The following SYT1 variants were observed in gnomAD, a reference collection of about 807,000 sequenced individuals.
SYT1 encodes the protein synaptotagmin 1, also known as synaptotagmin-1.
In SYT1, 8 loss-of-function variants were observed where a neutral mutation model predicts 44.8. That is an observed-to-expected ratio of 0.18 (90% CI 0.10 to 0.32). The LOEUF is 0.32. SYT1 is among the 10% of genes least tolerant of loss of function. The probability of loss-of-function intolerance (pLI) is 1.00; values close to 1 mark genes in which losing one functional copy is unlikely to be tolerated. For synonymous variants in SYT1, 154 were observed against 188.8 expected, an observed-to-expected ratio of 0.82 and a Z score of 1.51; for missense variants, 286 against 509.3, an observed-to-expected ratio of 0.56 and a Z score of 4.22.
intron 3 of SYT1, among the ~76,000 whole-genome samples, chr12:79,139,674 A>G (rs1035879145): frequency 6.6e-6 from 1 of 152,184 alleles, no homozygotes; most frequent in Non-Finnish European, 1.5e-5. Flanking sequence ...ATACGCTTCT[A>G]CTAAAACCAA....
intron 8 of SYT1, among the ~76,000 whole-genome samples, chr12:79,334,817 G>A (rs1041709576): frequency 4.6e-5 from 7 of 152,038 alleles, no homozygotes; most frequent in African/African-American, 1.4e-4. Context: ...CTTTTCAAGT[G>A]GGATCACCTT....
chr12:79,085,743 G>A (rs1877337578), intron 3 of SYT1, among the ~76,000 whole-genome samples: 1 of 152,064 alleles, frequency 6.6e-6, no homozygotes, highest in African/African-American at 2.4e-5. Context: ...CAATACAGCA[G>A]TTATCAGGTC....
At chr12:79,347,041 CTTTTTTTTT>C (rs59524429) in intron 8 of SYT1, among the ~76,000 whole-genome samples, 1 of 125,946 alleles carries the variant, frequency 7.9e-6, no homozygotes, top group Non-Finnish European at 1.7e-5. Flanking sequence ...TTTGTTTTTT[CTTTTTTTTT>C]TTTTTTTTGA....
intron 2 of SYT1, among the ~76,000 whole-genome samples, chr12:79,002,333 A>G (rs1870793894): frequency 1.3e-5 from 2 of 152,142 alleles, no homozygotes; most frequent in Admixed American, 6.6e-5. Flanking sequence ...CTCCTTTATT[A>G]TAATTTTCAT....
At chr12:79,254,976 T>C (rs1479065106) in intron 4 of SYT1, among the ~76,000 whole-genome samples, 5 of 152,226 alleles carry the variant, frequency 3.3e-5, no homozygotes, top group African/African-American at 1.2e-4. Context: ...GAAGATACTA[T>C]GAACATTATT....
chr12:79,301,176 G>A (rs1393828155), intron 8 of SYT1, among the ~76,000 whole-genome samples: 3 of 152,020 alleles, frequency 2.0e-5, no homozygotes, highest in African/African-American at 7.2e-5. Context: ...ACTGGTGTTT[G>A]GTTGGCTTGT....
intron 8 of SYT1, among the ~76,000 whole-genome samples, chr12:79,347,010 G>GT (rs994504748): frequency 4.0e-5 from 6 of 149,604 alleles, no homozygotes; most frequent in Admixed American, 2.7e-4. Context: ...TAGTAAGGAG[G>GT]TTTTTTTGTT....
chr12:78,894,932 AT>A (rs1351334775), intron 1 of SYT1, among the ~76,000 whole-genome samples: 3 of 151,766 alleles, frequency 2.0e-5, no homozygotes, highest in South Asian at 2.1e-4. Context: ...CCACAAAAAA[AT>A]AATTCAGTGA....
chr12:79,324,797 A>G (rs767144272), intron 8 of SYT1, among the ~76,000 whole-genome samples: 1 of 152,202 alleles, frequency 6.6e-6, no homozygotes, highest in African/African-American at 2.4e-5. Context: ...CTTTTTGTGA[A>G]TATTCCATAA....
intron 4 of SYT1, among the ~76,000 whole-genome samples, chr12:79,274,774 A>G (rs988665737): frequency 6.6e-6 from 1 of 152,192 alleles, no homozygotes; most frequent in Non-Finnish European, 1.5e-5. Context: ...CAGGAGGTCA[A>G]CTGGCACAGC....
chr12:79,072,481 G>A (rs1876350676), intron 3 of SYT1, among the ~76,000 whole-genome samples: 1 of 151,884 alleles, frequency 6.6e-6, no homozygotes, highest in African/African-American at 2.4e-5. Flanking sequence ...TTATCTATAA[G>A]TTATTTAAAT....
At chr12:78,865,564 T>G (rs1873491840) in intron 1 of SYT1, among the ~76,000 whole-genome samples, 1 of 145,830 alleles carries the variant, frequency 6.9e-6, no homozygotes, top group Non-Finnish European at 1.5e-5. Context: ...GAGAGGGATA[T>G]GGGGGGGGGG....
intron 4 of SYT1, among the ~76,000 whole-genome samples, chr12:79,223,874 A>G (rs1232527638): frequency 1.3e-5 from 2 of 152,118 alleles, no homozygotes; most frequent in Non-Finnish European, 2.9e-5. Flanking sequence ...CTAGGCTCCA[A>G]AGCAAAGTCC....
At chr12:79,151,523 T>C (rs1870270915) in intron 3 of SYT1, among the ~76,000 whole-genome samples, 2 of 152,156 alleles carry the variant, frequency 1.3e-5, no homozygotes, top group African/African-American at 4.8e-5. Context: ...CGGCCATTAA[T>C]GGTTTTTAAT....
intron 9 of SYT1, among the ~76,000 whole-genome samples, chr12:79,395,544 T>G: frequency 6.6e-6 from 1 of 151,982 alleles, no homozygotes; most frequent in Non-Finnish European, 1.5e-5. Context: ...TATTACGGAT[T>G]TTGTTTTTTG....
chr12:79,284,837 C>CA (rs36090267), intron 4 of SYT1, among the ~76,000 whole-genome samples: 3,498 of 117,764 alleles, frequency 0.03, 55 homozygotes, highest in Admixed American at 0.039. Context: ...GACTCCATCT[C>CA]AAAAAAAAAA....
chr12:79,255,977 A>C (rs1424948428), intron 4 of SYT1, among the ~76,000 whole-genome samples: 1 of 152,226 alleles, frequency 6.6e-6, no homozygotes, highest in African/African-American at 2.4e-5. Flanking sequence ...AATTACCAAG[A>C]TTATGATTAT....
chr12:79,393,813 C>A lies in SYT1; in HGVS notation c.928+40194C>A, dbSNP rs183449207. 4.6e-5 allele frequency: 7 copies of A among 152,230 alleles called. No individual in the cohort carries two copies. The East Asian group carries it at 1.2e-3, about 25-fold the overall frequency. The allele number at this position is 152,230 out of a possible 1,614,324, so 9.4% of individuals were successfully genotyped here. On this transcript the variant is annotated intron_variant, in intron 9 of 10. Transcript: ENST00000261205. Reference sequence around the variant, plus strand: ...CAGAAACTCTTTCGTTTAATTAAATCCCATTTGTCTATTTTGGCTTTTGTT... The same window carrying A: ...CAGAAACTCTTTCGTTTAATTAAATACCATTTGTCTATTTTGGCTTTTGTT...
chr12:79,211,574 A>G (rs988029897), intron 3 of SYT1, among the ~76,000 whole-genome samples: 13 of 148,864 alleles, frequency 8.7e-5, no homozygotes, highest in African/African-American at 1.7e-4. Flanking sequence ...ATATCTCCCA[A>G]TGCTATCCCT....
Sources: gnomAD v4.1 joint callset for allele counts (sites outside exome capture counted in the v4.1 genomes callset) on GRCh38, gnomAD v4.1.1 for gene constraint, MANE v1.5 for transcripts, NCBI Gene and HGNC (gene_info 2026-07-23, HGNC 2026-07-21) for gene names.